SAMD5: variants seen among roughly 807,000 people sequenced by gnomAD.
SAMD5 encodes the protein sterile alpha motif domain-containing protein 5.
In SAMD5, 13 loss-of-function variants were observed where a neutral mutation model predicts 11.3. The observed-to-expected ratio is 1.15, with a 90% CI of 0.75 to 1.83. The LOEUF is 1.83. Ranked by LOEUF, SAMD5 falls within the 40% of genes most tolerant of loss-of-function variation. SAMD5 has a pLI of 0.00. For missense variants in SAMD5, 255 were observed against 239.1 expected (o/e 1.07, Z -0.44); for synonymous variants, 129 against 111.3 (o/e 1.16, Z -1.00).
intron 1 of SAMD5, among the ~76,000 whole-genome samples, chr6:147,585,092 A>C (rs959360404): frequency 1.1e-4 from 16 of 152,092 alleles, no homozygotes; most frequent in Admixed American, 2.0e-4. Flanking sequence ...TGTCTCACCC[A>C]CTTCCATGAG....
chr6:147,761,534 A>T, the SAMD5 span, among the ~76,000 whole-genome samples: 1 of 152,100 alleles, frequency 6.6e-6, no homozygotes, highest in African/African-American at 2.4e-5. Flanking sequence ...AGTTAATTAT[A>T]ATGTAATTAT....
chr6:147,931,586 A>G, the SAMD5 span, among the ~76,000 whole-genome samples: 1 of 151,858 alleles, frequency 6.6e-6, no homozygotes, highest in Admixed American at 6.6e-5. Context: ...AGTCACATTG[A>G]CGAATGCATT....
chr6:147,699,472 GT>G (rs886168338), intron 1 of SAMD5, among the ~76,000 whole-genome samples: 2 of 152,216 alleles, frequency 1.3e-5, no homozygotes, highest in Non-Finnish European at 2.9e-5. Flanking sequence ...AATAAAATGA[GT>G]TTTTTCCCCT....
At chr6:147,634,244 T>TG (rs1316046106) in intron 1 of SAMD5, among the ~76,000 whole-genome samples, 4 of 152,234 alleles carry the variant, frequency 2.6e-5, no homozygotes, top group Admixed American at 2.6e-4. Flanking sequence ...GAAGTATAGC[T>TG]GGGGAGGCCT....
At chr6:147,644,288 G>A (rs1431473298) in intron 1 of SAMD5, among the ~76,000 whole-genome samples, 1 of 152,162 alleles carries the variant, frequency 6.6e-6, no homozygotes, top group Non-Finnish European at 1.5e-5. Flanking sequence ...TTGCCTTCAT[G>A]TATTGCTTTA....
chr6:147,886,554 C>A, the SAMD5 span, among the ~76,000 whole-genome samples: 1 of 151,894 alleles, frequency 6.6e-6, no homozygotes, highest in Admixed American at 6.6e-5. Context: ...TTCTAACCAA[C>A]GGAATAGGGC....
chr6:147,729,100 G>A (rs1791671789), intron 1 of SAMD5, among the ~76,000 whole-genome samples: 2 of 152,172 alleles, frequency 1.3e-5, no homozygotes, highest in Non-Finnish European at 2.9e-5. Flanking sequence ...CTTGCTGACG[G>A]CAGCCCTCTT....
intron 1 of SAMD5, among the ~76,000 whole-genome samples, chr6:147,582,893 G>A (rs1366089008): frequency 6.6e-6 from 1 of 152,190 alleles, no homozygotes; most frequent in African/African-American, 2.4e-5. Context: ...AGTGGGGTCT[G>A]TAACGTGTGC....
chr6:147,729,657 AG>A (rs747336361), intron 1 of SAMD5: 3 of 397,580 alleles, frequency 7.5e-6, no homozygotes, highest in Non-Finnish European at 1.5e-5. Context: ...GGAGCCGCCA[AG>A]GGAGGACTCA....
At chr6:147,765,432 C>T in the SAMD5 span, among the ~76,000 whole-genome samples, 1 of 152,170 alleles carries the variant, frequency 6.6e-6, no homozygotes, top group Non-Finnish European at 1.5e-5. Context: ...TGTGCTCATA[C>T]TTGTATTTTC....
chr6:147,760,314 T>G, the SAMD5 span, among the ~76,000 whole-genome samples: 2 of 152,190 alleles, frequency 1.3e-5, no homozygotes, highest in African/African-American at 4.8e-5. Context: ...TAGTTTTGTA[T>G]GAAAGCACAG....
At chr6:147,626,186 AC>A (rs1477453413) in intron 1 of SAMD5, among the ~76,000 whole-genome samples, 9 of 152,178 alleles carry the variant, frequency 5.9e-5, no homozygotes, top group Non-Finnish European at 1.3e-4. Context: ...CAAAAGGATC[AC>A]AGTGTCATTG....
rs536019619 is a variant in SAMD5 at position 147,539,507 on chromosome 6, T to C, written c.460-24887T>C. ...AACTCAAAACCGTCAGATATCACAGTGCAAAACAGAACAGTGCCTTTGATT... is the reference window on the plus strand; with the variant it reads ...AACTCAAAACCGTCAGATATCACAGCGCAAAACAGAACAGTGCCTTTGATT... On this transcript the variant is annotated intron_variant, in intron 1 of 1. Coordinates refer to ENST00000367474, the MANE Select transcript of SAMD5 (RefSeq NM_001030060.3). 2.6e-5 allele frequency among the ~76,000 whole-genome samples: 4 copies of C among 152,290 alleles called. No homozygotes were observed. The South Asian group carries it at 8.3e-4, about 32-fold the overall frequency.
chr6:147,545,235 A>G (rs1169096114), intron 1 of SAMD5, among the ~76,000 whole-genome samples: 3 of 152,218 alleles, frequency 2.0e-5, no homozygotes, highest in Non-Finnish European at 4.4e-5. Flanking sequence ...AAAATTATTT[A>G]TTCTTTAATA....
the SAMD5 span, among the ~76,000 whole-genome samples, chr6:147,860,275 C>G: frequency 4.1e-3 from 624 of 152,278 alleles, 1 homozygote; most frequent in African/African-American, 0.014. Context: ...TATAAAGACA[C>G]CAGTGATATT....
chr6:147,625,487 T>C lies in SAMD5; in HGVS notation c.163-111830T>C, dbSNP rs1790037536. ...TCAATTGTTTATTAAAAGAATTGGC[T>C]AGGAGTCTGGTTTTTCTAACTTGGA... On this transcript the variant is annotated intron_variant, in intron 1 of 1. Coordinates refer to the SAMD5 transcript ENST00000566741. 1.3e-5 allele frequency among the ~76,000 whole-genome samples: 2 copies of C among 152,234 alleles called. 1 individual carries two copies. Among genetic ancestry groups the C allele is most frequent in the South Asian group, 4.1e-4 (2 of 4,832 alleles).
intron 1 of SAMD5, among the ~76,000 whole-genome samples, chr6:147,632,600 C>G (rs1186436523): frequency 6.6e-6 from 1 of 152,178 alleles, no homozygotes; most frequent in African/African-American, 2.4e-5. Flanking sequence ...GAGGGCTAGG[C>G]TAAAACAGTA....
At chr6:147,789,041 G>A in the SAMD5 span, among the ~76,000 whole-genome samples, 6 of 150,388 alleles carry the variant, frequency 4.0e-5, no homozygotes, top group South Asian at 2.1e-4. Flanking sequence ...CCCAGATCAC[G>A]CCACTGCACT....
At chr6:147,810,830 T>C in the SAMD5 span, among the ~76,000 whole-genome samples, 1 of 152,214 alleles carries the variant, frequency 6.6e-6, no homozygotes, top group South Asian at 2.1e-4. Flanking sequence ...ATAAATTCAA[T>C]AGACATCATT....
Sources: allele counts gnomAD v4.1 joint callset (sites outside exome capture counted in the v4.1 genomes callset), GRCh38; gene constraint gnomAD v4.1.1; transcripts MANE v1.5; gene names NCBI Gene and HGNC (gene_info 2026-07-23, HGNC 2026-07-21).